The following ZNF804B variants were observed in gnomAD, a reference collection of about 807,000 sequenced individuals.
The protein encoded by ZNF804B is zinc finger protein 804B, also known as zinc finger 804B.
In ZNF804B, 80 loss-of-function variants were observed where a neutral mutation model predicts 101.4. The ratio of observed to expected loss-of-function variants is 0.79; its 90% CI spans 0.66 to 0.95. ZNF804B has a LOEUF of 0.95. Ranked by LOEUF, ZNF804B falls within the 40% of genes least tolerant of loss-of-function variation. ZNF804B has a pLI of 0.00. For synonymous variants in ZNF804B, 622 were observed against 558.8 expected (o/e 1.11, Z -1.59); for missense variants, 1,673 against 1,561.9 (o/e 1.07, Z -1.20).
At chr7:89,212,419 G>C (rs1318467514) in intron 1 of ZNF804B, among the ~76,000 whole-genome samples, 1 of 152,086 alleles carries the variant, frequency 6.6e-6, no homozygotes, top group Non-Finnish European at 1.5e-5. Context: ...ACAGAAGTTT[G>C]ATAACATGTA....
chr7:88,934,901 T>C (rs746206554), intron 1 of ZNF804B, among the ~76,000 whole-genome samples: 5 of 151,852 alleles, frequency 3.3e-5, no homozygotes, highest in Admixed American at 2.6e-4. Flanking sequence ...GAAAATATAT[T>C]GTTATACAAA....
At chr7:88,780,120 A>G (rs1158196978) in intron 1 of ZNF804B, among the ~76,000 whole-genome samples, 1 of 152,208 alleles carries the variant, frequency 6.6e-6, no homozygotes, top group Non-Finnish European at 1.5e-5. Context: ...AACTACAATA[A>G]GATGTCATCT....
intron 1 of ZNF804B, among the ~76,000 whole-genome samples, chr7:89,109,043 A>G (rs530070533): frequency 2.6e-5 from 4 of 152,288 alleles, no homozygotes; most frequent in African/African-American, 9.6e-5. Context: ...ATAGGGATGA[A>G]GTAAATCATG....
chr7:88,984,815 T>C (rs1793737682), intron 1 of ZNF804B, among the ~76,000 whole-genome samples: 1 of 152,048 alleles, frequency 6.6e-6, no homozygotes, highest in Non-Finnish European at 1.5e-5. Context: ...ATTGCAGTTG[T>C]CCATTGTATG....
At chr7:88,815,234 T>G (rs1456032016) in intron 1 of ZNF804B, among the ~76,000 whole-genome samples, 1 of 148,318 alleles carries the variant, frequency 6.7e-6, no homozygotes, top group African/African-American at 2.4e-5. Flanking sequence ...AAAAGTTATT[T>G]TATTATTTAA....
intron 1 of ZNF804B, among the ~76,000 whole-genome samples, chr7:89,051,492 A>C (rs548289720): frequency 1.3e-5 from 2 of 152,180 alleles, no homozygotes; most frequent in Non-Finnish European, 2.9e-5. Context: ...ACTGGATTCA[A>C]AAGCCCAAAG....
intron 1 of ZNF804B, among the ~76,000 whole-genome samples, chr7:88,840,016 G>A (rs1054225539): frequency 6.6e-6 from 1 of 152,118 alleles, no homozygotes; most frequent in African/African-American, 2.4e-5. Context: ...GAAAGCTCTG[G>A]TTCTTGTGTT....
At chr7:88,969,939 C>A (rs570492846) in intron 1 of ZNF804B, among the ~76,000 whole-genome samples, 216 of 151,608 alleles carry the variant, frequency 1.4e-3, no homozygotes, top group Admixed American at 3.4e-3. Context: ...TCTTGACTGG[C>A]AAATACGTCT....
intron 1 of ZNF804B, among the ~76,000 whole-genome samples, chr7:89,159,008 G>A (rs1283562155): frequency 6.6e-6 from 1 of 151,980 alleles, no homozygotes; most frequent in African/African-American, 2.4e-5. Flanking sequence ...TTAAACAACT[G>A]AATTTCACAT....
At chr7:89,083,255 C>T (rs536266047) in intron 1 of ZNF804B, among the ~76,000 whole-genome samples, 2 of 151,888 alleles carry the variant, frequency 1.3e-5, no homozygotes, top group East Asian at 3.9e-4. Flanking sequence ...CACATACCTA[C>T]ACAGTATAAT....
intron 1 of ZNF804B, among the ~76,000 whole-genome samples, chr7:88,951,097 A>G (rs574560690): frequency 4.3e-4 from 66 of 151,964 alleles, no homozygotes; most frequent in African/African-American, 1.5e-3. Flanking sequence ...AATTTGTGCA[A>G]TTTCTCCAAA....
At chr7:88,763,308 A>T (rs1009012843) in intron 1 of ZNF804B, among the ~76,000 whole-genome samples, 2 of 152,178 alleles carry the variant, frequency 1.3e-5, no homozygotes, top group African/African-American at 4.8e-5. Flanking sequence ...ATTCTTAATG[A>T]GTTATTTGAG....
intron 1 of ZNF804B, among the ~76,000 whole-genome samples, 167 bp from the exon 2 acceptor site, chr7:89,217,988 G>A (rs1050320321): frequency 1.3e-5 from 2 of 152,152 alleles, no homozygotes; most frequent in Non-Finnish European, 2.9e-5. Flanking sequence ...CAGTTGATAA[G>A]TTAGGGATGA....
intron 1 of ZNF804B, among the ~76,000 whole-genome samples, chr7:88,975,201 G>A (rs911229290): frequency 6.6e-6 from 1 of 151,272 alleles, no homozygotes; most frequent in Non-Finnish European, 1.5e-5. Context: ...TAGATTGCCT[G>A]TAAACTTTGG....
At chr7:89,312,451 G>C (rs192103756) in intron 2 of ZNF804B, among the ~76,000 whole-genome samples, 33 of 152,250 alleles carry the variant, frequency 2.2e-4, no homozygotes, top group Non-Finnish European at 3.4e-4. Context: ...CACTTCCAAG[G>C]AAGAGGATTA....
intron 1 of ZNF804B, among the ~76,000 whole-genome samples, chr7:88,881,013 C>T (rs1792021762): frequency 6.6e-6 from 1 of 152,022 alleles, no homozygotes; most frequent in Admixed American, 6.6e-5. Context: ...TCTCATAACT[C>T]TAACTCATAG....
At chr7:88,815,332 A>T (rs1340638100) in intron 1 of ZNF804B, among the ~76,000 whole-genome samples, 4 of 149,638 alleles carry the variant, frequency 2.7e-5, no homozygotes. Flanking sequence ...GGCATAGAAT[A>T]CAATTTATTG....
intron 2 of ZNF804B, among the ~76,000 whole-genome samples, chr7:89,268,679 C>T (rs1789836478): frequency 7.2e-6 from 1 of 137,936 alleles, no homozygotes; most frequent in African/African-American, 2.7e-5. Flanking sequence ...GTGTGAGTAC[C>T]TGGCTTTAAA....
At chr7:89,014,614 C>A (rs559145459) in intron 1 of ZNF804B, among the ~76,000 whole-genome samples, 2 of 152,180 alleles carry the variant, frequency 1.3e-5, no homozygotes, top group African/African-American at 2.4e-5. Context: ...CCGCGCCCAG[C>A]GATTGAACTT....
Sources: gnomAD v4.1 joint callset for allele counts (sites outside exome capture counted in the v4.1 genomes callset) on GRCh38, gnomAD v4.1.1 for gene constraint, MANE v1.5 for transcripts, NCBI Gene and HGNC (gene_info 2026-07-23, HGNC 2026-07-21) for gene names.